The following OSBPL8 variants were observed in gnomAD, a reference collection of about 807,000 sequenced individuals.
The protein encoded by OSBPL8 is oxysterol-binding protein-related protein 8.
In OSBPL8, 59 loss-of-function variants were observed where a neutral mutation model predicts 125.5. The ratio of observed to expected loss-of-function variants is 0.47; its 90% CI spans 0.38 to 0.58. OSBPL8 has a LOEUF of 0.58. Ranked by LOEUF, OSBPL8 falls within the 20% of genes least tolerant of loss-of-function variation. The pLI is 0.00. For synonymous variants in OSBPL8, 330 were observed against 338.9 expected, an observed-to-expected ratio of 0.97 and a Z score of 0.29; for missense variants, 758 against 1,047.8, an observed-to-expected ratio of 0.72 and a Z score of 3.82.
At chr12:76,450,083 T>C (rs145718131) in intron 4 of OSBPL8, among the ~76,000 whole-genome samples, 99 of 152,304 alleles carry the variant, frequency 6.5e-4, no homozygotes, top group Middle Eastern at 6.8e-3. Flanking sequence ...AGCTAGACAT[T>C]AAAGTGATTT....
intron 1 of OSBPL8, among the ~76,000 whole-genome samples, chr12:76,535,499 T>C (rs998328660): frequency 2.0e-5 from 3 of 152,146 alleles, no homozygotes; most frequent in African/African-American, 4.8e-5. Flanking sequence ...CTCTCATACA[T>C]TGCTGGTGAG....
At position 76,451,339 on chromosome 12, in the gene OSBPL8, C is replaced by CA. The variant is rs34170128; in HGVS notation, c.80-352dup. Among the ~76,000 whole-genome samples, 442 of 145,934 alleles carry CA rather than the reference C, an allele frequency of 3.0e-3. 1 individual carries two copies. The highest frequency in any genetic ancestry group is 8.5e-3 in the African/African-American group (339 of 39,846). On this transcript the variant is annotated intron_variant, in intron 3 of 23. Transcript: ENST00000261183. ...AAATAAGCCAAAGCCAGTCATTTCC[C>CA]AAAAAAAAAAATACAAATCGTCGAT...
chr12:76,449,568 T>C lies in OSBPL8; in HGVS notation c.217+1283A>G, dbSNP rs575931904. On this transcript the variant is annotated intron_variant, in intron 4 of 23. Coordinates refer to ENST00000261183, the MANE Select transcript of OSBPL8 (RefSeq NM_020841.5). ...TAGTAGGCACTGAATTCTTCAGTCA[T>C]GCACTCACAGAAGAATGACAGTTTC... Among the ~76,000 whole-genome samples, 8 of 152,340 alleles carry C rather than the reference T, an allele frequency of 5.3e-5. No homozygotes were observed. The South Asian group carries it at 1.4e-3, about 28-fold the overall frequency.
At chr12:76,452,339 CCAAGT>C (rs1873520717) in intron 3 of OSBPL8, among the ~76,000 whole-genome samples, 1 of 152,090 alleles carries the variant, frequency 6.6e-6, no homozygotes, top group South Asian at 2.1e-4. Flanking sequence ...AATTATTTTT[CCAAGT>C]CAATTAAAAA....
At chr12:76,386,777 A>G in intron 12 of OSBPL8, 117 bp from the exon 13 acceptor site, 1 of 645,162 alleles carries the variant, frequency 1.5e-6, no homozygotes, top group Non-Finnish European at 2.6e-6. Flanking sequence ...CTTATTTTAA[A>G]TGGATGACAA....
At chr12:76,516,647 G>A in intron 1 of OSBPL8, among the ~76,000 whole-genome samples, 1 of 152,112 alleles carries the variant, frequency 6.6e-6, no homozygotes, top group East Asian at 1.9e-4. Flanking sequence ...AAAGCCAAAA[G>A]TTAGTTCTTT....
intron 2 of OSBPL8, among the ~76,000 whole-genome samples, chr12:76,483,889 G>C (rs1043234929): frequency 6.6e-6 from 1 of 151,834 alleles, no homozygotes; most frequent in East Asian, 2.0e-4. Flanking sequence ...TGGCCAGGCT[G>C]GTTTTGAACT....
intron 4 of OSBPL8, among the ~76,000 whole-genome samples, chr12:76,428,852 T>G (rs1870474980): frequency 6.6e-6 from 1 of 152,102 alleles, no homozygotes; most frequent in South Asian, 2.1e-4. Context: ...ACATTAAAAT[T>G]ATCTATAAAT....
At chr12:76,422,899 T>G (rs190738860) in intron 4 of OSBPL8, 1 of 213,496 alleles carries the variant, frequency 4.7e-6, no homozygotes, top group East Asian at 9.3e-5. Flanking sequence ...CTGATAAACA[T>G]GAAAGGCTAT....
At chr12:76,530,132 T>G (rs1321057682) in intron 1 of OSBPL8, among the ~76,000 whole-genome samples, 1 of 151,756 alleles carries the variant, frequency 6.6e-6, no homozygotes, top group Non-Finnish European at 1.5e-5. Flanking sequence ...TAGTTCACTA[T>G]AATCTCAAAC....
At chr12:76,511,849 G>C (rs905820923) in intron 1 of OSBPL8, among the ~76,000 whole-genome samples, 4 of 152,136 alleles carry the variant, frequency 2.6e-5, no homozygotes, top group Admixed American at 2.6e-4. Context: ...AGGGTTTATA[G>C]TTTTCGGTTT....
chr12:76,373,829 A>G (rs1236368034), intron 17 of OSBPL8, among the ~76,000 whole-genome samples: 1 of 151,884 alleles, frequency 6.6e-6, no homozygotes, highest in Non-Finnish European at 1.5e-5. Flanking sequence ...AATAAATAAC[A>G]CCCCTTCCTT....
At chr12:76,363,391 CACAA>C (rs1460273420) in intron 21 of OSBPL8, among the ~76,000 whole-genome samples, 2 of 152,162 alleles carry the variant, frequency 1.3e-5, no homozygotes, top group Non-Finnish European at 2.9e-5. Flanking sequence ...ACAAACCTGA[CACAA>C]ACTAACAATG....
Position 76,353,311 on chromosome 12 carries a change from T to A in OSBPL8, c.*2578A>T, listed in dbSNP as rs1318649855. On this transcript the variant is annotated 3_prime_UTR_variant, in exon 24 of 24. Coordinates refer to ENST00000261183, the MANE Select transcript of OSBPL8 (RefSeq NM_020841.5). ...CTATTTATTGTTGTTGTTTTTTTTT[T>A]TTTTTTACATGTCCTGGGCCAGCTA... is the stretch of plus-strand genomic sequence containing the variant. The A allele has an allele frequency of 1.3e-5, 2 of 151,506 alleles. No individual in the cohort carries two copies. Among genetic ancestry groups the A allele is most frequent in the Non-Finnish European group, 3.0e-5 (2 of 67,668 alleles). 9.4% of individuals were successfully genotyped at this position (151,506 alleles called of 1,614,324 possible).
chr12:76,509,230 CAT>C (rs2137170843), intron 1 of OSBPL8, among the ~76,000 whole-genome samples: 1 of 152,214 alleles, frequency 6.6e-6, no homozygotes, highest in South Asian at 2.1e-4. Context: ...TGGGCTATAG[CAT>C]ATAGCCTAGG....
At position 76,463,235 on chromosome 12, in the gene OSBPL8, T is replaced by C. The variant is rs1027987095; in HGVS notation, c.43-3340A>G. Among the ~76,000 whole-genome samples, 5 of 151,982 alleles carry C rather than the reference T, an allele frequency of 3.3e-5. No individual in the cohort carries two copies. The East Asian group carries it at 5.8e-4, about 18-fold the overall frequency. The stretch of plus-strand genomic sequence containing the variant: ...CTAAGTTCCAAATATATTTTGAAAA[T>C]AGAGCAAACAAGATTTCCAAATAGA... On this transcript the variant is annotated intron_variant, in intron 2 of 23. Coordinates refer to ENST00000261183, the MANE Select transcript of OSBPL8 (RefSeq NM_020841.5).
chr12:76,450,620 T>C lies in OSBPL8; in HGVS notation c.217+231A>G, dbSNP rs114232608. Among the ~76,000 whole-genome samples the C allele has an allele frequency of 1.5e-3, 235 of 152,048 alleles. 1 individual carries two copies. Among genetic ancestry groups the C allele is most frequent in the African/African-American group, 5.5e-3 (230 of 41,514 alleles). On this transcript the variant is annotated intron_variant, in intron 4 of 23. Coordinates refer to ENST00000261183, the MANE Select transcript of OSBPL8 (RefSeq NM_020841.5). ...GAGAATCGCCAAATTAGATGAATGA[T>C]ATAACTAACGAAGTATGTTGGAGAA... is the stretch of plus-strand genomic sequence containing the variant.
intron 1 of OSBPL8, among the ~76,000 whole-genome samples, chr12:76,551,578 G>A (rs761845707): frequency 6.6e-6 from 1 of 152,290 alleles, no homozygotes; most frequent in Middle Eastern, 3.4e-3. Context: ...CTGGGCGTAA[G>A]ATAAAGCTTT....
chr12:76,532,611 C>T (rs1950376330), intron 1 of OSBPL8, among the ~76,000 whole-genome samples: 1 of 152,040 alleles, frequency 6.6e-6, no homozygotes, highest in African/African-American at 2.4e-5. Flanking sequence ...ACCCATTTCC[C>T]CTTCCTCTGT....
Sources: gnomAD v4.1 joint callset for allele counts (sites outside exome capture counted in the v4.1 genomes callset) on GRCh38, gnomAD v4.1.1 for gene constraint, MANE v1.5 for transcripts, NCBI Gene and HGNC (gene_info 2026-07-23, HGNC 2026-07-21) for gene names.